The following GALM variants were observed in gnomAD, a reference collection of about 807,000 sequenced individuals.
GALM encodes galactose mutarotase, also known as aldose 1-epimerase.
In GALM, 43 loss-of-function variants were observed where a neutral mutation model predicts 37.4. That is an observed-to-expected ratio of 1.15 (90% CI 0.90 to 1.48). GALM has a LOEUF of 1.48. Among genes scored for constraint, GALM ranks in the 40% most tolerant of loss-of-function variants. The pLI, the probability that GALM is intolerant of heterozygous loss-of-function variation, is 0.00. For missense variants in GALM, 456 were observed against 419.1 expected, an observed-to-expected ratio of 1.09 and a Z score of -0.77; for synonymous variants, 199 against 170.6, an observed-to-expected ratio of 1.17 and a Z score of -1.30.
rs566854926 is a variant in GALM at position 38,725,929 on chromosome 2, C to T, written c.635-3627C>T. 1.1e-4 allele frequency among the ~76,000 whole-genome samples: 17 copies of T among 151,908 alleles called. No individual in the cohort carries two copies. The South Asian group carries it at 3.5e-3, about 32-fold the overall frequency. On this transcript the variant is annotated intron_variant, in intron 4 of 6. Coordinates refer to ENST00000272252, the MANE Select transcript of GALM (RefSeq NM_138801.3). ...GTTTCGCCATGTTGCCCAGGCTGGTCTCAAACTCCTGACCTCAAGTGATCC... is the reference window on the plus strand; with the variant it reads ...GTTTCGCCATGTTGCCCAGGCTGGTTTCAAACTCCTGACCTCAAGTGATCC...
chr2:38,674,003 T>G (rs56880509), intron 1 of GALM, among the ~76,000 whole-genome samples: 37,436 of 151,852 alleles, frequency 0.25, 5,138 homozygotes, highest in East Asian at 0.53. Flanking sequence ...TTTGCTAATA[T>G]GTAGTTAATT....
intron 1 of GALM, among the ~76,000 whole-genome samples, chr2:38,673,009 C>CA (rs1299324844): frequency 1.3e-5 from 2 of 151,640 alleles, no homozygotes; most frequent in South Asian, 2.1e-4. Flanking sequence ...AACTCCGTCT[C>CA]AAAAAAAACA....
chr2:38,707,814 AT>A (rs1419885080), intron 4 of GALM, among the ~76,000 whole-genome samples: 1 of 152,072 alleles, frequency 6.6e-6, no homozygotes, highest in East Asian at 1.9e-4. Context: ...CAAAAAAAAT[AT>A]AAAAATTAGC....
intron 1 of GALM, among the ~76,000 whole-genome samples, chr2:38,673,671 A>T (rs569542165): frequency 6.6e-6 from 1 of 151,970 alleles, no homozygotes; most frequent in African/African-American, 2.4e-5. Flanking sequence ...TAAGCCGGGC[A>T]TGGTGGCGGG....
chr2:38,693,652 C>G (rs1324276261), intron 4 of GALM, among the ~76,000 whole-genome samples: 2 of 152,100 alleles, frequency 1.3e-5, no homozygotes, highest in African/African-American at 4.8e-5. Flanking sequence ...ATAATAATAG[C>G]TAGTATTTCA....
intron 2 of GALM, among the ~76,000 whole-genome samples, chr2:38,679,175 C>T (rs1327321138): frequency 1.3e-5 from 2 of 152,006 alleles, no homozygotes; most frequent in South Asian, 2.1e-4. Context: ...TTAGTAGAGA[C>T]GAAGTTTCAC....
rs748035711 is a variant in GALM, at chr2:38,666,261, A to G, written c.100A>G (p.Ile34Val). Residue 34 changes from isoleucine to valine, a missense_variant, in exon 1 of 7, where the codon ATC becomes GTC. Transcript: ENST00000272252. ...GTCAGACCTCTTGAGAGTGGACATC[A>G]TCTCCTGGGGCTGCACGATCACAGC... ...LQSDLLRVDI[I>V]SWGCTITALE... The G allele has an allele frequency of 6.2e-7, 1 of 1,614,008 alleles. No homozygotes were observed. The highest frequency in any genetic ancestry group is 8.5e-7 in the Non-Finnish European group (1 of 1,179,866).
intron 4 of GALM, among the ~76,000 whole-genome samples, chr2:38,705,322 A>G (rs1289077490): frequency 6.6e-6 from 1 of 152,212 alleles, no homozygotes; most frequent in Non-Finnish European, 1.5e-5. Context: ...TTCCCAGAGC[A>G]GATTTGTATT....
At chr2:38,680,686 C>T (rs1339934879) in intron 2 of GALM, among the ~76,000 whole-genome samples, 1 of 150,072 alleles carries the variant, frequency 6.7e-6, no homozygotes, top group Non-Finnish European at 1.5e-5. Context: ...TGCTATATGG[C>T]GTTTAGCAGA....
chr2:38,667,149 T>C (rs1220098384), intron 1 of GALM, among the ~76,000 whole-genome samples: 9 of 152,200 alleles, frequency 5.9e-5, no homozygotes, highest in Non-Finnish European at 8.8e-5. Flanking sequence ...ATGTACATCA[T>C]GCTCTCTTAG....
chr2:38,674,839 T>C (rs1041870518), intron 1 of GALM, among the ~76,000 whole-genome samples: 4 of 152,212 alleles, frequency 2.6e-5, no homozygotes, highest in South Asian at 4.1e-4. Flanking sequence ...AGAGTCAACT[T>C]TGGATTGAAA....
At position 38,666,205 on chromosome 2, in the gene GALM, G is replaced by A. The variant is rs1664927542; in HGVS notation, c.44G>A (p.Gly15Glu). The A allele has an allele frequency of 6.2e-7, 1 of 1,613,964 alleles. No homozygotes were observed. Among genetic ancestry groups the A allele is most frequent in the South Asian group, 1.1e-5 (1 of 91,056 alleles). ...GCCGTGTTTGGAGAGCTGCCCTCGG[G>A]AGGAGGGACAGTGGAGAAGTTCCAG... ...TRAVFGELPSGGGTVEKFQLQ... is the reference protein window; with the variant it reads ...TRAVFGELPSEGGTVEKFQLQ... Residue 15 changes from glycine (G) to glutamate (E), a missense_variant, in exon 1 of 7, where the codon GGA becomes GAA. Coordinates refer to ENST00000272252, the MANE Select transcript of GALM (RefSeq NM_138801.3).
chr2:38,728,030 A>G (rs1014400420), intron 4 of GALM, among the ~76,000 whole-genome samples: 3 of 152,184 alleles, frequency 2.0e-5, no homozygotes, highest in African/African-American at 7.2e-5. Context: ...TTATCACCCT[A>G]AAAGAGTATG....
At chr2:38,705,638 G>A (rs1666020431) in intron 4 of GALM, among the ~76,000 whole-genome samples, 1 of 152,172 alleles carries the variant, frequency 6.6e-6, no homozygotes, top group Admixed American at 6.5e-5. Context: ...AAGCCAATAA[G>A]CCAAAGAGAC....
chr2:38,685,998 C>T (rs1665510096), intron 3 of GALM, among the ~76,000 whole-genome samples: 1 of 152,052 alleles, frequency 6.6e-6, no homozygotes, highest in South Asian at 2.1e-4. Context: ...CAGGCCTGAG[C>T]CACCATGCCT....
At chr2:38,704,317 G>C (rs745914667) in intron 4 of GALM, among the ~76,000 whole-genome samples, 13 of 151,850 alleles carry the variant, frequency 8.6e-5, no homozygotes, top group Non-Finnish European at 1.5e-4. Flanking sequence ...TCCCACCTCA[G>C]CCTCCTGCAT....
chr2:38,704,231 C>T lies in GALM; in HGVS notation c.634+14337C>T, dbSNP rs568091356. Among the ~76,000 whole-genome samples, 188 of 151,568 alleles carry T rather than the reference C, an allele frequency of 1.2e-3. 1 individual carries two copies. The highest frequency in any genetic ancestry group is 3.4e-3 in the Middle Eastern group (1 of 294). On this transcript the variant is annotated intron_variant, in intron 4 of 6. Coordinates refer to ENST00000272252, the MANE Select transcript of GALM (RefSeq NM_138801.3). ...TTTTTTTTTTAGAGACAGGGTCTCA[C>T]TCTGTTATCCAGGCTGGAGTGCAGT...
intron 4 of GALM, among the ~76,000 whole-genome samples, chr2:38,693,657 A>T (rs573490139): frequency 6.6e-5 from 10 of 152,320 alleles, no homozygotes; most frequent in Non-Finnish European, 1.2e-4. Context: ...AATAGCTAGT[A>T]TTTCAGGGAG....
chr2:38,694,916 A>AG (rs1665769175), intron 4 of GALM, among the ~76,000 whole-genome samples: 1 of 151,150 alleles, frequency 6.6e-6, no homozygotes. Context: ...AAAAAAACAA[A>AG]AAAAGAAAGG....
Sources: allele counts gnomAD v4.1 joint callset (sites outside exome capture counted in the v4.1 genomes callset), GRCh38; gene constraint gnomAD v4.1.1; transcripts MANE v1.5; gene names NCBI Gene and HGNC (gene_info 2026-07-23, HGNC 2026-07-21).